Variants in PHACTR1 observed in about 807,000 individuals in gnomAD.
The protein encoded by PHACTR1 is RPEL repeat containing 1.
PHACTR1 carries 16 observed loss-of-function variants against 69.2 expected under a neutral mutation model. That is an observed-to-expected ratio of 0.23 (90% CI 0.16 to 0.35). The LOEUF (loss-of-function observed/expected upper bound fraction) is 0.35. Among genes scored for constraint, PHACTR1 ranks in the 10% least tolerant of loss-of-function variants. The pLI is 1.00. For synonymous variants in PHACTR1, 312 were observed against 284.5 expected, an observed-to-expected ratio of 1.10 and a Z score of -0.97; for missense variants, 510 against 734.7, an observed-to-expected ratio of 0.69 and a Z score of 3.54.
At chr6:13,061,399 G>A (rs113317259) in intron 5 of PHACTR1, among the ~76,000 whole-genome samples, 108 of 152,298 alleles carry the variant, frequency 7.1e-4, no homozygotes, top group Admixed American at 1.5e-3. Flanking sequence ...AGGGGGTTCA[G>A]AGGAATTAGA....
chr6:12,839,486 A>G (rs977320950), intron 4 of PHACTR1, among the ~76,000 whole-genome samples: 1 of 152,092 alleles, frequency 6.6e-6, no homozygotes, highest in African/African-American at 2.4e-5. Context: ...CATAAAGCAG[A>G]GTAGCCAGGC....
intron 4 of PHACTR1, among the ~76,000 whole-genome samples, chr6:12,977,848 A>G (rs1795076418): frequency 6.6e-6 from 1 of 152,216 alleles, no homozygotes; most frequent in South Asian, 2.1e-4. Flanking sequence ...GTCATTTAAC[A>G]TCTCTGAACC....
At chr6:13,249,926 T>G (rs574035398) in intron 10 of PHACTR1, among the ~76,000 whole-genome samples, 19 of 152,302 alleles carry the variant, frequency 1.2e-4, no homozygotes, top group African/African-American at 4.6e-4. Context: ...TGGCTGATGC[T>G]TCAAGGAAAT....
chr6:13,283,781 A>T lies in PHACTR1; in HGVS notation c.1650+219A>T, dbSNP rs1419504431. On this transcript the variant is annotated intron_variant, in intron 13 of 14. Transcript: ENST00000332995. This position sits in a 1 kb window ranked among gnomAD's most constrained non-coding sequence, Gnocchi z 4.7. ...ACACAAGGCACATAATACTGTGCCC[A>T]TTTTACAGGAGGAGGAGCAGCAGCC... is the stretch of plus-strand genomic sequence containing the variant. 1.6e-6 allele frequency: 1 copy of T among 613,788 alleles called. No individual in the cohort carries two copies. The highest frequency in any genetic ancestry group is 2.8e-6 in the Non-Finnish European group (1 of 359,132). 38.0% of individuals were successfully genotyped at this position (613,788 alleles called of 1,614,324 possible).
chr6:13,171,370 C>T (rs1760594610), intron 6 of PHACTR1, among the ~76,000 whole-genome samples: 1 of 152,192 alleles, frequency 6.6e-6, no homozygotes, highest in East Asian at 1.9e-4. Flanking sequence ...CTACAGTACA[C>T]TGAGCCAGAC....
At chr6:12,903,470 G>A (rs1230610251) in intron 4 of PHACTR1, among the ~76,000 whole-genome samples, 1 of 152,144 alleles carries the variant, frequency 6.6e-6, no homozygotes, top group African/African-American at 2.4e-5. Flanking sequence ...TTCCTTACAA[G>A]GGCAACAGGA....
intron 4 of PHACTR1, among the ~76,000 whole-genome samples, chr6:12,924,072 C>T (rs1250445048): frequency 3.9e-5 from 6 of 152,068 alleles, no homozygotes; most frequent in Admixed American, 2.6e-4. Flanking sequence ...ACAAACTGTG[C>T]TTTTTGTTGC....
intron 6 of PHACTR1, among the ~76,000 whole-genome samples, chr6:13,178,378 A>G (rs4097413): frequency 0.22 from 33,754 of 152,202 alleles, 4,765 homozygotes; most frequent in East Asian, 0.44. Context: ...AGGCACAATT[A>G]CACTGCAGTT....
chr6:13,138,134 C>T (rs912357655), intron 5 of PHACTR1, among the ~76,000 whole-genome samples: 1 of 152,146 alleles, frequency 6.6e-6, no homozygotes, highest in Non-Finnish European at 1.5e-5. Context: ...CTAAAGGAAA[C>T]ATACTGAAGG....
chr6:12,915,506 CA>C (rs1225757251), intron 4 of PHACTR1, among the ~76,000 whole-genome samples: 63 of 50,222 alleles, frequency 1.3e-3, no homozygotes, highest in Middle Eastern at 0.012. Context: ...AACTCTCTCT[CA>C]AAAAAAAAAA....
At chr6:13,160,092 T>G in intron 5 of PHACTR1, 112 bp from the exon 6 acceptor site, 1 of 918,704 alleles carries the variant, frequency 1.1e-6, no homozygotes. Context: ...AAAGCACGAT[T>G]TACAGAAGCT....
chr6:12,816,405 G>T (rs1775592346), intron 4 of PHACTR1, among the ~76,000 whole-genome samples: 1 of 152,164 alleles, frequency 6.6e-6, no homozygotes, highest in Non-Finnish European at 1.5e-5. Flanking sequence ...TAAACTCTGT[G>T]GGTGTGTATC....
chr6:12,945,237 G>T (rs934320054), intron 4 of PHACTR1, among the ~76,000 whole-genome samples: 1 of 152,014 alleles, frequency 6.6e-6, no homozygotes, highest in Non-Finnish European at 1.5e-5. Context: ...CCTCCAGAAA[G>T]CCCTCCCTAA....
rs185966408 is a variant in PHACTR1, at chr6:12,732,487, C to T, written c.103+13640C>T. 1.1e-3 allele frequency among the ~76,000 whole-genome samples: 164 copies of T among 152,266 alleles called. 1 individual carries two copies. Among genetic ancestry groups the T allele is most frequent in the African/African-American group, 3.8e-3 (158 of 41,556 alleles). ...AAGTTCCCTTCCCTCACCCCTCACC[C>T]CAAAACAGGCCCTGGTGTGTGTTGT... is the stretch of plus-strand genomic sequence containing the variant. On this transcript the variant is annotated intron_variant, in intron 3 of 14. Transcript: ENST00000332995.
At chr6:13,243,655 G>A (rs1219574957) in intron 10 of PHACTR1, among the ~76,000 whole-genome samples, 2 of 152,148 alleles carry the variant, frequency 1.3e-5, no homozygotes, top group Non-Finnish European at 2.9e-5. Context: ...ATTCCATATA[G>A]TGGGGGTTTG....
intron 4 of PHACTR1, among the ~76,000 whole-genome samples, chr6:12,914,781 T>A (rs1460457279): frequency 1.3e-5 from 2 of 152,062 alleles, no homozygotes; most frequent in Non-Finnish European, 2.9e-5. Context: ...TAAAGAGGAC[T>A]CTTAAGGGCA....
At chr6:13,099,792 TGTTTATA>T (rs1284590836) in intron 5 of PHACTR1, among the ~76,000 whole-genome samples, 1 of 152,248 alleles carries the variant, frequency 6.6e-6, no homozygotes, top group Non-Finnish European at 1.5e-5. Flanking sequence ...TTACCAAGAT[TGTTTATA>T]GTTTGTTTGC....
chr6:12,799,482 A>G (rs1332677486), intron 4 of PHACTR1, among the ~76,000 whole-genome samples: 2 of 152,248 alleles, frequency 1.3e-5, no homozygotes, highest in Non-Finnish European at 2.9e-5. Context: ...ATAATGAAAA[A>G]AAAGGCATTC....
rs146860545 is a variant in PHACTR1, at chr6:13,127,982, T to C, written c.416-32222T>C. Among the ~76,000 whole-genome samples, 141 of 151,662 alleles carry C rather than the reference T, an allele frequency of 9.3e-4. 4 individuals carry two copies. The East Asian group carries it at 0.025, about 26-fold the overall frequency. ...ATCATGGCGGAAGGGGAAGCAAACA[T>C]ATCCTTCTTCACATGGCGGCCGGAA... On this transcript the variant is annotated intron_variant, in intron 5 of 14. Coordinates refer to ENST00000332995, the MANE Select transcript of PHACTR1 (RefSeq NM_030948.6).
Sources: allele counts gnomAD v4.1 joint callset (sites outside exome capture counted in the v4.1 genomes callset), GRCh38; gene constraint gnomAD v4.1.1; non-coding constraint Gnocchi (gnomAD v3.1); transcripts MANE v1.5; gene names NCBI Gene and HGNC (gene_info 2026-07-23, HGNC 2026-07-21).